GLIS3: variants seen among roughly 807,000 people sequenced by gnomAD.
GLIS3 encodes the protein GLIS family zinc finger 3.
GLIS3 carries 53 observed loss-of-function variants against 78.6 expected under a neutral mutation model. The ratio of observed to expected loss-of-function variants is 0.67; its 90% CI spans 0.54 to 0.85. The LOEUF is 0.85. GLIS3 is among the 40% of genes least tolerant of loss of function. The pLI is 0.00. For synonymous variants in GLIS3, 684 were observed against 509.9 expected, an observed-to-expected ratio of 1.34 and a Z score of -4.60; for missense variants, 1,703 against 1,231.1, an observed-to-expected ratio of 1.38 and a Z score of -5.74.
chr9:4,397,920 C>T, the GLIS3 span, among the ~76,000 whole-genome samples: 39 of 151,946 alleles, frequency 2.6e-4, no homozygotes, highest in Admixed American at 2.6e-3. Flanking sequence ...GACATTCCTC[C>T]ATTGTGGGTC....
intron 2 of GLIS3, among the ~76,000 whole-genome samples, chr9:4,249,123 G>A (rs1207568816): frequency 6.6e-6 from 1 of 152,054 alleles, no homozygotes; most frequent in Non-Finnish European, 1.5e-5. Context: ...CTCTTTTTTG[G>A]TTCCATATGA....
rs577316054 is a variant in GLIS3, at chr9:4,242,519, A to G, written c.388+43519T>C. ...TGATTCCGGCTACCTGCTGGGCATG[A>G]CCAATGCATACTATGGAACCACCCT... is the stretch of plus-strand genomic sequence containing the variant. On this transcript the variant is annotated intron_variant, in intron 2 of 10. Transcript: ENST00000381971. Among the ~76,000 whole-genome samples, 128 of 152,262 alleles carry G rather than the reference A, an allele frequency of 8.4e-4. 1 individual carries two copies. The highest frequency in any genetic ancestry group is 1.5e-3 in the Non-Finnish European group (100 of 68,016).
At chr9:4,307,101 A>T (rs1442509344) in intron 4 of GLIS3, among the ~76,000 whole-genome samples, 1 of 152,220 alleles carries the variant, frequency 6.6e-6, no homozygotes, top group Non-Finnish European at 1.5e-5. Flanking sequence ...TTAGGGGCTT[A>T]TTATGTATCA....
At chr9:4,289,839 C>T (rs928167688) in intron 1 of GLIS3, among the ~76,000 whole-genome samples, 3 of 152,106 alleles carry the variant, frequency 2.0e-5, no homozygotes, top group African/African-American at 7.2e-5. Context: ...TTCCTTTTGA[C>T]CACTTTCAAA....
chr9:4,181,647 G>C (rs943621068), intron 2 of GLIS3, among the ~76,000 whole-genome samples: 4 of 152,230 alleles, frequency 2.6e-5, no homozygotes, highest in Admixed American at 2.6e-4. Context: ...CTCACACTGA[G>C]AGGTGGAATC....
chr9:3,984,204 G>C (rs1819539488), intron 4 of GLIS3, among the ~76,000 whole-genome samples: 1 of 152,242 alleles, frequency 6.6e-6, no homozygotes, highest in African/African-American at 2.4e-5. Context: ...TTGTCCTCCA[G>C]ACCCCAGACT....
At chr9:4,263,318 T>A (rs558004493) in intron 2 of GLIS3, among the ~76,000 whole-genome samples, 1 of 152,322 alleles carries the variant, frequency 6.6e-6, no homozygotes, top group African/African-American at 2.4e-5. Context: ...TACAGTATAA[T>A]GTAGACAATT....
chr9:4,274,789 C>G (rs950964088), intron 2 of GLIS3, among the ~76,000 whole-genome samples: 2 of 152,182 alleles, frequency 1.3e-5, no homozygotes, highest in African/African-American at 2.4e-5. Context: ...CATGAATCAC[C>G]TGGGAATATT....
chr9:4,291,461 A>G (rs994259685), intron 1 of GLIS3, among the ~76,000 whole-genome samples: 1 of 152,142 alleles, frequency 6.6e-6, no homozygotes, highest in Non-Finnish European at 1.5e-5. Context: ...ATATTTTATA[A>G]AATTTTCTCA....
intron 4 of GLIS3, among the ~76,000 whole-genome samples, chr9:4,089,549 T>C (rs553692748): frequency 2.6e-5 from 4 of 152,260 alleles, no homozygotes; most frequent in African/African-American, 9.6e-5. Context: ...AAATTGGCCA[T>C]GTGTAGTGGC....
chr9:4,390,938 G>C, the GLIS3 span, among the ~76,000 whole-genome samples: 2 of 152,188 alleles, frequency 1.3e-5, no homozygotes, highest in Non-Finnish European at 2.9e-5. Flanking sequence ...TCTCAGAAGG[G>C]AAACAAGTTC....
At chr9:3,893,010 C>G (rs2130560264) in intron 7 of GLIS3, among the ~76,000 whole-genome samples, 2 of 152,198 alleles carry the variant, frequency 1.3e-5, no homozygotes, top group Middle Eastern at 6.8e-3. Flanking sequence ...TATAGATAAG[C>G]TTGTGTCATG....
intron 2 of GLIS3, among the ~76,000 whole-genome samples, chr9:4,345,090 A>G (rs1447056812): frequency 6.6e-6 from 1 of 152,254 alleles, no homozygotes; most frequent in African/African-American, 2.4e-5. Flanking sequence ...TCACTCCTCT[A>G]TTCAAGTCTC....
chr9:4,303,113 T>G (rs923541300), upstream of GLIS3, among the ~76,000 whole-genome samples: 1 of 108,648 alleles, frequency 9.2e-6, no homozygotes, highest in Non-Finnish European at 2.1e-5. Context: ...TCACCCTGAG[T>G]GCTCTGACAG....
chr9:4,247,998 C>G (rs1823962411), intron 2 of GLIS3, among the ~76,000 whole-genome samples: 1 of 152,144 alleles, frequency 6.6e-6, no homozygotes, highest in African/African-American at 2.4e-5. Context: ...TCTTGTGTAG[C>G]TGAAACTCTG....
the GLIS3 span, among the ~76,000 whole-genome samples, chr9:4,428,629 C>T: frequency 6.6e-6 from 1 of 151,988 alleles, no homozygotes; most frequent in Non-Finnish European, 1.5e-5. Context: ...CTTATACTAC[C>T]CACAAGTCTG....
chr9:3,996,420 G>A (rs1356647889), intron 4 of GLIS3, among the ~76,000 whole-genome samples: 2 of 152,152 alleles, frequency 1.3e-5, no homozygotes, highest in Admixed American at 6.5e-5. Flanking sequence ...TCTGGAGGAT[G>A]GGGTGACATT....
At chr9:4,150,765 T>C (rs1380527887) in intron 2 of GLIS3, among the ~76,000 whole-genome samples, 4 of 152,122 alleles carry the variant, frequency 2.6e-5, no homozygotes, top group African/African-American at 9.7e-5. Flanking sequence ...TTTTATAAAT[T>C]GTAAAATTCA....
the GLIS3 span, among the ~76,000 whole-genome samples, chr9:4,416,262 A>ATTT: frequency 2.0e-5 from 3 of 147,296 alleles, no homozygotes; most frequent in South Asian, 2.1e-4. Flanking sequence ...TAAAAAAAAA[A>ATTT]AAAAAAAAAA....
Sources: allele counts gnomAD v4.1 joint callset (sites outside exome capture counted in the v4.1 genomes callset), GRCh38; gene constraint gnomAD v4.1.1; transcripts MANE v1.5; gene names NCBI Gene and HGNC (gene_info 2026-07-23, HGNC 2026-07-21).